The following SQLE variants were observed in gnomAD, a reference collection of about 807,000 sequenced individuals.
SQLE encodes the protein squalene monooxygenase.
Under a neutral mutation model 60.7 loss-of-function variants are expected in SQLE, and 29 were observed. The ratio of observed to expected loss-of-function variants is 0.48; its 90% CI spans 0.36 to 0.65. SQLE has a LOEUF of 0.65. Among genes scored for constraint, SQLE ranks in the 30% least tolerant of loss-of-function variants. The probability of loss-of-function intolerance (pLI) is 0.00; values close to 1 mark genes in which losing one functional copy is unlikely to be tolerated. For missense variants in SQLE, 605 were observed against 684.1 expected (o/e 0.88, Z 1.29); for synonymous variants, 237 against 246.8 (o/e 0.96, Z 0.37).
Position 124,998,968 on chromosome 8 carries a change from C to A in SQLE, c.-436C>A. On this transcript the variant is annotated 5_prime_UTR_variant, in exon 1 of 11. Coordinates refer to ENST00000265896, the MANE Select transcript of SQLE (RefSeq NM_003129.4). Reference sequence around the variant, plus strand: ...CCCAGTGCCGAGGTGTTTCTGTGACCCTCCCTCCACTCCCATTCCCTTCTG... The same window carrying A: ...CCCAGTGCCGAGGTGTTTCTGTGACACTCCCTCCACTCCCATTCCCTTCTG... 3.2e-6 allele frequency: 1 copy of A among 311,564 alleles called. No individual in the cohort carries two copies. The highest frequency in any genetic ancestry group is 1.2e-4 in the South Asian group (1 of 8,336). The allele number at this position is 311,564 out of a possible 1,614,324, so 19.3% of individuals were successfully genotyped here.
In SQLE at chr8:125,005,535, A is replaced by G. The variant is rs146173854; in HGVS notation, c.555A>G (p.Glu185=). ...LKDLGLGDTV[E]GLDAQVVNGY... is the part of the protein sequence containing the mutation. ...TCGATTGCTTTGCAGATACAGTGGA[A>G]GGTCTTGATGCCCAGGTTGTAAATG... Residue 185 remains glutamate (E), a synonymous_variant, in exon 3 of 11, where the codon GAA becomes GAG. Coordinates refer to ENST00000265896, the MANE Select transcript of SQLE (RefSeq NM_003129.4). The G allele has an allele frequency of 2.2e-4, 349 of 1,595,638 alleles. 5 individuals carry two copies. The East Asian group carries it at 7.9e-3, about 36-fold the overall frequency.
intron 1 of SQLE, among the ~76,000 whole-genome samples, chr8:125,001,158 T>C (rs2382998): frequency 0.32 from 48,315 of 151,924 alleles, 8,921 homozygotes; most frequent in African/African-American, 0.5. Flanking sequence ...AATTTGAACT[T>C]TTTTGTATTG....
rs527364099 is a variant in SQLE, at chr8:125,009,710, G to A, written c.1108+367G>A. Among the ~76,000 whole-genome samples the A allele has an allele frequency of 7.2e-5, 11 of 151,872 alleles. No individual in the cohort carries two copies. The East Asian group carries it at 1.6e-3, about 21-fold the overall frequency. On this transcript the variant is annotated intron_variant, in intron 6 of 10. Transcript: ENST00000265896. ...CTCAGGAGGCTGAGGCAGAAGAATCGCTTGAACGGGAGGCAGAGGTTGTAG... is the reference window on the plus strand; with the variant it reads ...CTCAGGAGGCTGAGGCAGAAGAATCACTTGAACGGGAGGCAGAGGTTGTAG...
chr8:124,999,769 A>G, intron 1 of SQLE, 75 bp downstream of exon 1: 1 of 1,473,212 alleles, frequency 6.8e-7, no homozygotes, highest in Non-Finnish European at 9.0e-7. Flanking sequence ...TATAAGTTTT[A>G]TTTGAATTGC....
At chr8:125,006,537 C>A (rs989013499) in intron 3 of SQLE, among the ~76,000 whole-genome samples, 8 of 149,380 alleles carry the variant, frequency 5.4e-5, no homozygotes, top group Admixed American at 6.7e-5. Context: ...AGGAGAATTG[C>A]TTGAACCCAG....
rs914928870 is a variant in SQLE at position 124,998,760 on chromosome 8, A to G, written c.-644A>G. ...TTAGGTTGGGGCTGCATTGCCCTGG[A>G]GCCGCACTCTTGAGTCCGAGGCCAT... On this transcript the variant is annotated 5_prime_UTR_variant, in exon 1 of 11. Transcript: ENST00000265896. The G allele has an allele frequency of 3.8e-6, 2 of 524,146 alleles. No individual in the cohort carries two copies. Among genetic ancestry groups the G allele is most frequent in the Admixed American group, 3.8e-5 (1 of 26,480 alleles). 32.5% of individuals were successfully genotyped at this position (524,146 alleles called of 1,614,324 possible).
chr8:125,001,475 TG>T (rs1814850625), intron 1 of SQLE, among the ~76,000 whole-genome samples: 1 of 146,134 alleles, frequency 6.8e-6, no homozygotes, highest in Non-Finnish European at 1.5e-5. Flanking sequence ...TGTGTGTGTG[TG>T]TGTGTGTGTG....
chr8:125,008,323 AGGT>A (rs1177717097), intron 4 of SQLE, among the ~76,000 whole-genome samples: 1 of 152,202 alleles, frequency 6.6e-6, no homozygotes, highest in African/African-American at 2.4e-5. Flanking sequence ...TTCCAGCCTC[AGGT>A]GATCTGCCCA....
intron 6 of SQLE, among the ~76,000 whole-genome samples, chr8:125,009,780 C>T (rs551089627): frequency 2.6e-4 from 39 of 149,320 alleles, no homozygotes; most frequent in Middle Eastern, 3.4e-3. Context: ...GCAACAAGAG[C>T]GAAACTCCGT....
intron 10 of SQLE, 91 bp downstream of exon 10, chr8:125,020,962 C>T (rs1274029086): frequency 8.1e-6 from 7 of 865,610 alleles, no homozygotes; most frequent in Non-Finnish European, 1.3e-5. Flanking sequence ...CTTCCTTACA[C>T]ATTTTGATAT....
rs1814812438 is a variant in SQLE at position 124,999,789 on chromosome 8, C to T, written c.291+95C>T. ...GTTTTATTTGAATTGCAAAAGGCGG[C>T]AGGTTAGATGCTTGTATACATTCTC... is the stretch of plus-strand genomic sequence containing the variant. On this transcript the variant is annotated intron_variant, in intron 1 of 10. Coordinates refer to ENST00000265896, the MANE Select transcript of SQLE (RefSeq NM_003129.4). 3.6e-6 allele frequency: 5 copies of T among 1,387,744 alleles called. No individual in the cohort carries two copies. The South Asian group carries it at 6.0e-5, about 17-fold the overall frequency. 86.0% of individuals were successfully genotyped at this position (1,387,744 alleles called of 1,614,324 possible).
In SQLE at chr8:124,999,566, G is replaced by C. The variant is rs948528483; in HGVS notation, c.163G>C (p.Gly55Arg). The C allele has an allele frequency of 1.2e-6, 2 of 1,613,234 alleles. No individual in the cohort carries two copies. The highest frequency in any genetic ancestry group is 1.7e-6 in the Non-Finnish European group (2 of 1,179,574). ...RCRHRNGGLL[G>R]RQQSGSQFAL... Reference sequence around the variant, plus strand: ...TCGCCACCGAAACGGGGGTCTCCTCGGGCGCCAGCAGAGCGGCTCCCAGTT... The same window carrying C: ...TCGCCACCGAAACGGGGGTCTCCTCCGGCGCCAGCAGAGCGGCTCCCAGTT... Residue 55 changes from glycine to arginine, a missense_variant, in exon 1 of 11, where the codon GGG becomes CGG. By Grantham distance (125) the Gly-to-Arg change is moderately radical. Transcript: ENST00000265896.
chr8:125,015,221 T>C (rs1426658678), intron 7 of SQLE, among the ~76,000 whole-genome samples: 1 of 152,178 alleles, frequency 6.6e-6, no homozygotes. Context: ...CACTATGCTC[T>C]TTTTTGGTTT....
In SQLE at chr8:125,022,075, T is replaced by C; in HGVS notation, c.*130T>C. 1 of 595,846 alleles carries C rather than the reference T, an allele frequency of 1.7e-6. No individual in the cohort carries two copies. Among genetic ancestry groups the C allele is most frequent in the South Asian group, 8.4e-5 (1 of 11,872 alleles). 36.9% of individuals were successfully genotyped at this position (595,846 alleles called of 1,614,324 possible). A position where few individuals can be genotyped will look rare whatever the true frequency, so the allele number is the denominator to read the frequency against. On this transcript the variant is annotated 3_prime_UTR_variant, in exon 11 of 11. Coordinates refer to ENST00000265896, the MANE Select transcript of SQLE (RefSeq NM_003129.4). ...GGAAACTCTTGGACCAAGATTTGGA[T>C]TAATTTGTTTTTGAAGTTTTTTGTA...
In SQLE at chr8:125,011,592, G is replaced by C; in HGVS notation, c.1164G>C (p.Met388Ile). The C allele has an allele frequency of 6.3e-7, 1 of 1,586,404 alleles. No homozygotes were observed. The highest frequency in any genetic ancestry group is 8.6e-7 in the Non-Finnish European group (1 of 1,164,688). ...EATDNSHLRSMPASFLPPSSV... is the reference protein window; with the variant it reads ...EATDNSHLRSIPASFLPPSSV... ...CTGACAATTCTCATCTGAGGTCCAT[G>C]CCAGCAAGCTTCCTTCCTCCTTCAT... The change falls in exon 7 of 11, where the codon ATG becomes ATC. Residue 388 changes from methionine to isoleucine, a missense_variant. Met to Ile is a conservative substitution (Grantham distance 10, BLOSUM62 1). Coordinates refer to ENST00000265896, the MANE Select transcript of SQLE (RefSeq NM_003129.4).
chr8:125,017,289 GT>G (rs1351120278), intron 7 of SQLE, among the ~76,000 whole-genome samples: 1 of 151,922 alleles, frequency 6.6e-6, no homozygotes, highest in East Asian at 1.9e-4. Flanking sequence ...AATCTACTTG[GT>G]GCTCTATTCT....
intron 1 of SQLE, among the ~76,000 whole-genome samples, chr8:125,002,567 C>A (rs1289988028): frequency 3.9e-5 from 6 of 152,214 alleles, no homozygotes; most frequent in Non-Finnish European, 8.8e-5. Context: ...ATCCCAGCCA[C>A]TCGGGAGGCT....
At chr8:125,000,870 C>A (rs1434178335) in intron 1 of SQLE, among the ~76,000 whole-genome samples, 1 of 152,128 alleles carries the variant, frequency 6.6e-6, no homozygotes, top group Non-Finnish European at 1.5e-5. Flanking sequence ...CGCCCACTTG[C>A]TTTTTAAATT....
chr8:125,013,025 C>T lies in SQLE; in HGVS notation c.1204+1393C>T, dbSNP rs532604453. Among the ~76,000 whole-genome samples, 9 of 152,262 alleles carry T rather than the reference C, an allele frequency of 5.9e-5. No individual in the cohort carries two copies. In the East Asian group the frequency reaches 1.5e-3, roughly 26 times the overall value. On this transcript the variant is annotated intron_variant, in intron 7 of 10. Transcript: ENST00000265896. ...TAGATAATGATGTTGAACATCTTTTCATATGCATATAGGCCATTTGTTGTT... is the reference window on the plus strand; with the variant it reads ...TAGATAATGATGTTGAACATCTTTTTATATGCATATAGGCCATTTGTTGTT...
Sources: allele counts gnomAD v4.1 joint callset (sites outside exome capture counted in the v4.1 genomes callset), GRCh38; gene constraint gnomAD v4.1.1; transcripts MANE v1.5; gene names NCBI Gene and HGNC (gene_info 2026-07-23, HGNC 2026-07-21).